Variants in CMTM4 observed in about 807,000 individuals in gnomAD.
CMTM4 encodes CKLF-like MARVEL transmembrane domain-containing protein 4.
In CMTM4, 8 loss-of-function variants were observed where a neutral mutation model predicts 19.0. The ratio of observed to expected loss-of-function variants is 0.42; its 90% confidence interval spans 0.25 to 0.76. The LOEUF is 0.76. Among genes scored for constraint, CMTM4 ranks in the 30% least tolerant of loss-of-function variants. The pLI is 0.27. For missense variants in CMTM4, 228 were observed against 290.2 expected (o/e 0.79, Z 1.56); for synonymous variants, 106 against 121.1 (o/e 0.88, Z 0.82).
chr16:66,608,415 A>G, the CMTM4 span: 2 of 1,614,158 alleles, frequency 1.2e-6, no homozygotes, highest in Non-Finnish European at 1.7e-6. This position sits in a 1 kb window ranked among gnomAD's most constrained non-coding sequence, Gnocchi z 5.1. Flanking sequence ...CTCTTTGCTG[A>G]TGCCATGCAG....
At position 66,622,154 on chromosome 16, in the gene CMTM4, G is replaced by C; in HGVS notation, c.531C>G (p.Val177=). The change falls in exon 4 of 4, where the codon GTC becomes GTG. Residue 177 remains valine (V), a synonymous_variant. Coordinates refer to ENST00000394106, the MANE Select transcript of CMTM4 (RefSeq NM_181521.3). This position sits in a 1 kb window ranked among gnomAD's most constrained non-coding sequence, Gnocchi z 4.0. ...CATTGGTGCTCTGCTGGCGGACGCT[G>C]ACTCTCCATTTCTGCACTGCCAGGA... ...NTFLAVQKWR[V]SVRQQSTNDY... The C allele has an allele frequency of 6.2e-7, 1 of 1,613,750 alleles. No homozygotes were observed. The highest frequency in any genetic ancestry group is 8.5e-7 in the Non-Finnish European group (1 of 1,179,892).
intron 1 of CMTM4, among the ~76,000 whole-genome samples, chr16:66,679,335 C>T (rs2016865256): frequency 6.6e-6 from 1 of 152,084 alleles, no homozygotes; most frequent in Admixed American, 6.6e-5. Context: ...ATCACTTTTA[C>T]TGGTTCTGAT....
At chr16:66,651,130 G>A (rs2016302444) in intron 1 of CMTM4, among the ~76,000 whole-genome samples, 1 of 152,208 alleles carries the variant, frequency 6.6e-6, no homozygotes, top group African/African-American at 2.4e-5. Flanking sequence ...AGAGGGGGCA[G>A]CAGAGAGCAA....
chr16:66,677,615 ACTC>A (rs1233950381), intron 1 of CMTM4, among the ~76,000 whole-genome samples: 2 of 152,014 alleles, frequency 1.3e-5, no homozygotes, highest in Non-Finnish European at 2.9e-5. Flanking sequence ...TCTTATCTGT[ACTC>A]CTACTCCTAA....
the CMTM4 span, among the ~76,000 whole-genome samples, chr16:66,599,859 G>GC: frequency 6.6e-6 from 1 of 152,074 alleles, no homozygotes; most frequent in African/African-American, 2.4e-5. Context: ...AGGCACAAGT[G>GC]CCCCAGCTCC....
intron 1 of CMTM4, among the ~76,000 whole-genome samples, chr16:66,683,161 G>GTA (rs201948614): frequency 0.013 from 1,026 of 81,380 alleles, 23 homozygotes; most frequent in African/African-American, 0.037. Flanking sequence ...ATATATATAC[G>GTA]TATATATATA....
At chr16:66,650,979 T>C (rs2016299416) in intron 1 of CMTM4, among the ~76,000 whole-genome samples, 1 of 152,048 alleles carries the variant, frequency 6.6e-6, no homozygotes, top group Admixed American at 6.6e-5. Context: ...TCCAGCACAT[T>C]CGAAATTCAA....
At chr16:66,600,134 G>T in the CMTM4 span, among the ~76,000 whole-genome samples, 15 of 129,828 alleles carry the variant, frequency 1.2e-4, no homozygotes, top group African/African-American at 3.8e-4. Flanking sequence ...GTGTGTGTGT[G>T]TGTTTTTTTT....
chr16:66,670,688 T>C (rs957271268), intron 1 of CMTM4, among the ~76,000 whole-genome samples: 6 of 151,840 alleles, frequency 4.0e-5, no homozygotes, highest in African/African-American at 1.5e-4. Context: ...TAGTCCCAGC[T>C]ATTCAGGAGG....
At chr16:66,634,180 C>T (rs1161420346) in intron 2 of CMTM4, among the ~76,000 whole-genome samples, 3 of 152,118 alleles carry the variant, frequency 2.0e-5, no homozygotes, top group Admixed American at 2.0e-4. Flanking sequence ...TGGCTCACAC[C>T]TGTAATCCCA....
the CMTM4 span, among the ~76,000 whole-genome samples, chr16:66,602,269 G>C: frequency 6.6e-6 from 1 of 152,058 alleles, no homozygotes; most frequent in Non-Finnish European, 1.5e-5. Context: ...TGGTGGCACA[G>C]GCCTGTAATC....
At chr16:66,692,994 C>T (rs1173463697) in intron 1 of CMTM4, among the ~76,000 whole-genome samples, 2 of 151,932 alleles carry the variant, frequency 1.3e-5, no homozygotes, top group African/African-American at 4.8e-5. Flanking sequence ...GAGACTGAGG[C>T]GGGTGGATCA....
chr16:66,607,400 C>T, the CMTM4 span, among the ~76,000 whole-genome samples: 2 of 152,240 alleles, frequency 1.3e-5, no homozygotes, highest in Non-Finnish European at 2.9e-5. Flanking sequence ...TGCCAACGCA[C>T]CCTCTGTTAG....
chr16:66,691,251 C>G (rs1441419391), intron 1 of CMTM4, among the ~76,000 whole-genome samples: 1 of 152,132 alleles, frequency 6.6e-6, no homozygotes, highest in Non-Finnish European at 1.5e-5. Context: ...CGCCTGTAAT[C>G]CCAGTTTGCG....
chr16:66,631,155 C>T (rs548705062), intron 2 of CMTM4, among the ~76,000 whole-genome samples: 407 of 147,786 alleles, frequency 2.8e-3, no homozygotes, highest in African/African-American at 9.4e-3. Context: ...CCACCCCGTC[C>T]GGGAGGGAGG....
At chr16:66,679,174 G>A (rs2016862659) in intron 1 of CMTM4, among the ~76,000 whole-genome samples, 1 of 151,528 alleles carries the variant, frequency 6.6e-6, no homozygotes, top group Non-Finnish European at 1.5e-5. Flanking sequence ...CTCTGTATTC[G>A]CTGTTCTAAG....
chr16:66,691,767 A>G, intron 1 of CMTM4, among the ~76,000 whole-genome samples: 1 of 152,234 alleles, frequency 6.6e-6, no homozygotes, highest in East Asian at 1.9e-4. Context: ...GTTTCAGATT[A>G]GCTTTAGTAT....
intron 1 of CMTM4, among the ~76,000 whole-genome samples, chr16:66,651,246 G>C (rs165202): frequency 0.71 from 107,632 of 152,036 alleles, 39,380 homozygotes; most frequent in African/African-American, 0.91. Context: ...AAGCCTCTCC[G>C]CACCATCTTT....
chr16:66,677,257 AAAG>A (rs1162090755), intron 1 of CMTM4, among the ~76,000 whole-genome samples: 4 of 152,212 alleles, frequency 2.6e-5, no homozygotes, highest in Non-Finnish European at 5.9e-5. Context: ...ATAAAAAAGA[AAAG>A]AAAAACCAGT....
Sources: gnomAD v4.1 joint callset for allele counts (sites outside exome capture counted in the v4.1 genomes callset) on GRCh38, gnomAD v4.1.1 for gene constraint, Gnocchi (gnomAD v3.1) non-coding constraint, MANE v1.5 for transcripts, NCBI Gene and HGNC (gene_info 2026-07-23, HGNC 2026-07-21) for gene names.